Variants in BNC2 observed in about 807,000 individuals in gnomAD.
The protein encoded by BNC2 is zinc finger protein basonuclin-2.
A neutral mutation model predicts 76.3 loss-of-function variants in BNC2; 20 were observed. The observed-to-expected ratio is 0.26, with a 90% CI of 0.18 to 0.38. BNC2 has a LOEUF of 0.38. Ranked by LOEUF, BNC2 falls within the 10% of genes least tolerant of loss-of-function variation. The pLI is 1.00. For missense variants in BNC2, 1,382 were observed against 1,399.8 expected, an observed-to-expected ratio of 0.99 and a Z score of 0.20; for synonymous variants, 582 against 514.8, an observed-to-expected ratio of 1.13 and a Z score of -1.77.
At chr9:16,694,347 A>C (rs1291112643) in intron 3 of BNC2, among the ~76,000 whole-genome samples, 1 of 152,214 alleles carries the variant, frequency 6.6e-6, no homozygotes, top group Non-Finnish European at 1.5e-5. Context: ...CACCTACATT[A>C]AACCAATTAT....
intron 2 of BNC2, among the ~76,000 whole-genome samples, chr9:16,729,133 C>G (rs1824436376): frequency 6.6e-6 from 1 of 152,132 alleles, no homozygotes; most frequent in South Asian, 2.1e-4. Context: ...AGTCTTAAAA[C>G]TATTCACCTA....
chr9:16,672,774 ACT>A (rs1822517807), intron 3 of BNC2, among the ~76,000 whole-genome samples: 1 of 152,238 alleles, frequency 6.6e-6, no homozygotes, highest in African/African-American at 2.4e-5. Context: ...TTTATTGGAC[ACT>A]GTCGCCAAAT....
At chr9:16,834,140 T>C (rs1336953149) in intron 1 of BNC2, among the ~76,000 whole-genome samples, 3 of 151,816 alleles carry the variant, frequency 2.0e-5, no homozygotes, top group South Asian at 2.1e-4. Flanking sequence ...ATATTCTATC[T>C]GAAAAATGAA....
chr9:16,680,361 A>C (rs1283118816), intron 3 of BNC2, among the ~76,000 whole-genome samples: 1 of 152,044 alleles, frequency 6.6e-6, no homozygotes, highest in Admixed American at 6.5e-5. Flanking sequence ...TTTCCTCAGT[A>C]CGGGAATTCA....
At chr9:16,495,965 A>ATGG in intron 5 of BNC2, among the ~76,000 whole-genome samples, 1 of 150,494 alleles carries the variant, frequency 6.6e-6, no homozygotes, top group East Asian at 2.0e-4. Flanking sequence ...CTGAAATGCA[A>ATGG]TGGTGTGATC....
chr9:16,704,298 C>T (rs567282216), intron 3 of BNC2, among the ~76,000 whole-genome samples: 12 of 152,240 alleles, frequency 7.9e-5, no homozygotes, highest in East Asian at 3.9e-4. Context: ...GTGAATGAGA[C>T]GGCTAGAGTT....
chr9:16,681,903 T>A (rs930929237), intron 3 of BNC2, among the ~76,000 whole-genome samples: 2 of 152,000 alleles, frequency 1.3e-5, no homozygotes, highest in African/African-American at 4.8e-5. Flanking sequence ...TTTGAACAGA[T>A]CTTAACCTGA....
At chr9:16,841,340 T>C (rs1304113257) in intron 1 of BNC2, among the ~76,000 whole-genome samples, 1 of 152,152 alleles carries the variant, frequency 6.6e-6, no homozygotes, top group Non-Finnish European at 1.5e-5. Flanking sequence ...CACAGCATAG[T>C]TGGGATTCAA....
chr9:16,744,827 A>G (rs1824952623), intron 1 of BNC2, among the ~76,000 whole-genome samples: 1 of 152,260 alleles, frequency 6.6e-6, no homozygotes, highest in Admixed American at 6.5e-5. Flanking sequence ...GTGAAAGCTT[A>G]TAGCATTTCA....
chr9:16,746,753 G>A (rs1427662030), intron 1 of BNC2, among the ~76,000 whole-genome samples: 1 of 151,490 alleles, frequency 6.6e-6, no homozygotes, highest in Non-Finnish European at 1.5e-5. Flanking sequence ...ATGAGGTCAG[G>A]AGATCGAGAC....
chr9:16,527,766 C>T (rs1433499534), intron 5 of BNC2, among the ~76,000 whole-genome samples: 5 of 152,208 alleles, frequency 3.3e-5, no homozygotes, highest in African/African-American at 7.2e-5. Flanking sequence ...ATGCCACAAA[C>T]TGTAGAATTC....
At chr9:16,694,620 G>T (rs532432129) in intron 3 of BNC2, among the ~76,000 whole-genome samples, 17 of 152,258 alleles carry the variant, frequency 1.1e-4, no homozygotes, top group African/African-American at 4.1e-4. Context: ...GGCTCATAAT[G>T]TAGCATGTCG....
chr9:16,493,511 T>G (rs1344702180), intron 5 of BNC2, among the ~76,000 whole-genome samples: 1 of 152,222 alleles, frequency 6.6e-6, no homozygotes, highest in Non-Finnish European at 1.5e-5. Flanking sequence ...AGACTAAGGA[T>G]GGATGAAATC....
intron 5 of BNC2, among the ~76,000 whole-genome samples, chr9:16,446,002 G>C (rs1369792985): frequency 6.6e-6 from 1 of 152,120 alleles, no homozygotes; most frequent in African/African-American, 2.4e-5. Context: ...TTGTATTAAA[G>C]AAGTTCCCAT....
intron 1 of BNC2, among the ~76,000 whole-genome samples, chr9:16,813,387 T>G (rs12346967): frequency 6.6e-6 from 1 of 151,168 alleles, no homozygotes; most frequent in African/African-American, 2.4e-5. Context: ...TGCCTCAGCC[T>G]CCCGAGTAGC....
At chr9:16,570,574 G>A (rs773917521) in intron 4 of BNC2, among the ~76,000 whole-genome samples, 19 of 152,244 alleles carry the variant, frequency 1.2e-4, no homozygotes, top group Middle Eastern at 3.4e-3. Context: ...TCATAAAAAC[G>A]GGTTAAGAGG....
At chr9:16,528,144 G>C (rs1817868634) in intron 5 of BNC2, among the ~76,000 whole-genome samples, 1 of 152,032 alleles carries the variant, frequency 6.6e-6, no homozygotes, top group African/African-American at 2.4e-5. Flanking sequence ...AAACGATAGA[G>C]GTTTGGTCTT....
chr9:16,530,450 T>C (rs974358229), intron 5 of BNC2, among the ~76,000 whole-genome samples: 7 of 152,248 alleles, frequency 4.6e-5, no homozygotes, highest in South Asian at 2.1e-4. Context: ...TGAAAGCCAA[T>C]TGGGGTTCCC....
intron 3 of BNC2, among the ~76,000 whole-genome samples, chr9:16,643,531 A>T (rs1821546539): frequency 6.6e-6 from 1 of 152,142 alleles, no homozygotes; most frequent in Non-Finnish European, 1.5e-5. Flanking sequence ...AGCCCCCTCC[A>T]GCAAAGATTC....
Sources: gnomAD v4.1 joint callset for allele counts (sites outside exome capture counted in the v4.1 genomes callset) on GRCh38, gnomAD v4.1.1 for gene constraint, MANE v1.5 for transcripts, NCBI Gene and HGNC (gene_info 2026-07-23, HGNC 2026-07-21) for gene names.